The following PACS2 variants were observed in gnomAD, a reference collection of about 807,000 sequenced individuals.
PACS2 encodes the protein phosphofurin acidic cluster sorting protein 2.
PACS2 carries 36 observed loss-of-function variants against 113.0 expected under a neutral mutation model. That is an observed-to-expected ratio of 0.32 (90% CI 0.24 to 0.42). The LOEUF is 0.42. Among genes scored for constraint, PACS2 ranks in the 10% least tolerant of loss-of-function variants. The pLI, the probability that PACS2 is intolerant of heterozygous loss-of-function variation, is 1.00. For synonymous variants in PACS2, 589 were observed against 536.1 expected, an observed-to-expected ratio of 1.10 and a Z score of -1.36; for missense variants, 1,015 against 1,239.5, an observed-to-expected ratio of 0.82 and a Z score of 2.72.
In PACS2 at chr14:105,309,066, T is replaced by C. The variant is rs1015110402; in HGVS notation, c.-83+8087T>C. Among the ~76,000 whole-genome samples, 1 of 152,214 alleles carries C rather than the reference T, an allele frequency of 6.6e-6. No homozygotes were observed. Among genetic ancestry groups the C allele is most frequent in the Non-Finnish European group, 1.5e-5 (1 of 68,030 alleles). On this transcript the variant is annotated intron_variant, in intron 1 of 23. Transcript: ENST00000430725. The surrounding 1 kb of genome is among the most constrained non-coding windows in gnomAD (Gnocchi z 4.0). ...AAGAGCACTGAGGTTGAGTGTTGGTTGACACGTGTTGCGGTAATTGCTGTT... is the reference window on the plus strand; with the variant it reads ...AAGAGCACTGAGGTTGAGTGTTGGTCGACACGTGTTGCGGTAATTGCTGTT...
chr14:105,342,646 C>T (rs879946409), intron 1 of PACS2, among the ~76,000 whole-genome samples: 2 of 151,818 alleles, frequency 1.3e-5, no homozygotes, highest in African/African-American at 4.8e-5. Context: ...CAAGTATCGT[C>T]TGGTAGGCCA....
rs1160580490 is a variant in PACS2, at chr14:105,314,863, G to A, written c.-56G>A. Reference sequence around the variant, plus strand: ...TCCGCGCGCCCGGCCCGCCCGCCGCGCGTCCGCGGCCCGGCCGCAGCCCCA... The same window carrying A: ...TCCGCGCGCCCGGCCCGCCCGCCGCACGTCCGCGGCCCGGCCGCAGCCCCA... On this transcript the variant is annotated 5_prime_UTR_variant, in exon 1 of 25. Coordinates refer to ENST00000447393, the MANE Select transcript of PACS2 (RefSeq NM_001100913.3). 2.7e-5 allele frequency: 22 copies of A among 827,986 alleles called. No individual in the cohort carries two copies. In the East Asian group the frequency reaches 2.4e-3, roughly 90 times the overall value. The allele number at this position is 827,986 out of a possible 1,614,324, so 51.3% of individuals were successfully genotyped here.
rs1427676968 is a variant in PACS2 at position 105,340,310 on chromosome 14, AACAC to A, written c.120-8177_120-8174del. Among the ~76,000 whole-genome samples, 2 of 152,238 alleles carry A rather than the reference AACAC, an allele frequency of 1.3e-5. No homozygotes were observed. Among genetic ancestry groups the A allele is most frequent in the Non-Finnish European group, 2.9e-5 (2 of 68,050 alleles). On this transcript the variant is annotated intron_variant, in intron 1 of 24. Coordinates refer to ENST00000447393, the MANE Select transcript of PACS2 (RefSeq NM_001100913.3). The surrounding 1 kb of genome is among the most constrained non-coding windows in gnomAD (Gnocchi z 4.2). ...CATGTAGGAAATAAAATGCAATCAC[AACAC>A]ACACAACTCCAAATGGATGGATAAT...
chr14:105,391,030 C>G, intron 20 of PACS2, 177 bp from the exon 21 acceptor site: 1 of 627,914 alleles, frequency 1.6e-6, no homozygotes, highest in East Asian at 2.7e-5. Flanking sequence ...CATGGCTGCT[C>G]TGAGCTCAGC....
At chr14:105,364,627 C>T (rs2060880421) in intron 4 of PACS2, among the ~76,000 whole-genome samples, 1 of 150,984 alleles carries the variant, frequency 6.6e-6, no homozygotes, top group Non-Finnish European at 1.5e-5. Context: ...TGGTGCATGA[C>T]TGTTTTTGTA....
upstream of PACS2, among the ~76,000 whole-genome samples, chr14:105,309,768 ATG>A (rs2058293363): frequency 7.6e-6 from 1 of 131,118 alleles, no homozygotes; most frequent in African/African-American, 2.8e-5. The surrounding 1 kb of genome is among the most constrained non-coding windows in gnomAD (Gnocchi z 4.0). Flanking sequence ...GAAGGTGGTG[ATG>A]TGTGTCTTTT....
rs782483501 is a variant in PACS2, at chr14:105,355,012, C to T, written c.298-40C>T. The T allele has an allele frequency of 1.9e-6, 3 of 1,603,596 alleles. No homozygotes were observed. Among genetic ancestry groups the T allele is most frequent in the Non-Finnish European group, 2.6e-6 (3 of 1,175,390 alleles). ...AGAGGCCGTGATGCTGCCTGGGGCC[C>T]CGGTGCACCCTCAGCTGCCACTCGC... On this transcript the variant is annotated intron_variant, in intron 3 of 24. Coordinates refer to ENST00000447393, the MANE Select transcript of PACS2 (RefSeq NM_001100913.3). This position sits in a 1 kb window ranked among gnomAD's most constrained non-coding sequence, Gnocchi z 4.1.
At position 105,395,781 on chromosome 14, in the gene PACS2, T is replaced by C. The variant is rs587752322; in HGVS notation, c.*1109T>C. On this transcript the variant is annotated 3_prime_UTR_variant, in exon 25 of 25. Transcript: ENST00000447393. ...AGCGTGTTGGGTCCCATGTTGTGTGTGGGTTCCATGCCCTCCACACAGCAG... is the reference window on the plus strand; with the variant it reads ...AGCGTGTTGGGTCCCATGTTGTGTGCGGGTTCCATGCCCTCCACACAGCAG... 3.3e-5 allele frequency: 5 copies of C among 152,344 alleles called. No individual in the cohort carries two copies. The highest frequency in any genetic ancestry group is 2.6e-4 in the Admixed American group (4 of 15,290). 9.4% of individuals were successfully genotyped at this position (152,344 alleles called of 1,614,324 possible). A position where few individuals can be genotyped will look rare whatever the true frequency, so the allele number is the denominator to read the frequency against.
At chr14:105,310,682 CGCCCG>C (rs1437275155), upstream of PACS2, among the ~76,000 whole-genome samples, 2 of 152,028 alleles carry the variant, frequency 1.3e-5, no homozygotes, top group African/African-American at 4.8e-5. Context: ...AGCCAGATGG[CGCCCG>C]GCTCTCCAGC....
At position 105,377,366 on chromosome 14, in the gene PACS2, G is replaced by A. The variant is rs1478993629; in HGVS notation, c.959+441G>A. Among the ~76,000 whole-genome samples the A allele has an allele frequency of 2.6e-5, 4 of 152,118 alleles. No individual in the cohort carries two copies. The East Asian group carries it at 7.7e-4, about 29-fold the overall frequency. The stretch of plus-strand genomic sequence containing the variant: ...GCAGGTGGGGAGGGGGAGGGCAGGT[G>A]TCTCTGTGGCTGGATGGGAGGAGGG... On this transcript the variant is annotated intron_variant, in intron 9 of 24. Transcript: ENST00000447393.
In PACS2 at chr14:105,348,350, G is replaced by T. The variant is rs923782689; in HGVS notation, c.120-143G>T. The T allele has an allele frequency of 4.9e-6, 3 of 607,734 alleles. No individual in the cohort carries two copies. In the African/African-American group the frequency reaches 5.5e-5, roughly 11 times the overall value. 37.6% of individuals were successfully genotyped at this position (607,734 alleles called of 1,614,324 possible). ...GGGGTGATGTCTTGGAGCCCTGTGA[G>T]GTCCTGGGGCCGCCCAGGCAGTCAC... On this transcript the variant is annotated intron_variant, in intron 1 of 24. Coordinates refer to ENST00000447393, the MANE Select transcript of PACS2 (RefSeq NM_001100913.3). This position sits in a 1 kb window ranked among gnomAD's most constrained non-coding sequence, Gnocchi z 6.4.
At chr14:105,383,599 G>A (rs891819773) in intron 16 of PACS2, 86 bp downstream of exon 16, 115 of 1,355,776 alleles carry the variant, frequency 8.5e-5, no homozygotes, top group African/African-American at 2.0e-4. Flanking sequence ...GTGGCGTGGC[G>A]TGTTGTGTGG....
chr14:105,342,547 G>A (rs1555401815), intron 1 of PACS2, among the ~76,000 whole-genome samples: 3 of 151,996 alleles, frequency 2.0e-5, no homozygotes, highest in African/African-American at 7.2e-5. Flanking sequence ...GGGATTACAG[G>A]CATGATTGTG....
rs1001665854 is a variant in PACS2 at position 105,317,649 on chromosome 14, G to A, written c.119+2612G>A. 5.9e-5 allele frequency among the ~76,000 whole-genome samples: 9 copies of A among 151,856 alleles called. No homozygotes were observed. Among genetic ancestry groups the A allele is most frequent in the Admixed American group, 3.3e-4 (5 of 15,234 alleles). ...TCTCTTTTTTTCTGCTTGAGTTTCA[G>A]CAGTTTCTTTAGAGATAGTCATCCT... On this transcript the variant is annotated intron_variant, in intron 1 of 24. Coordinates refer to ENST00000447393, the MANE Select transcript of PACS2 (RefSeq NM_001100913.3). The surrounding 1 kb of genome is among the most constrained non-coding windows in gnomAD (Gnocchi z 4.2).
chr14:105,378,320 G>A (rs587623991), intron 9 of PACS2, among the ~76,000 whole-genome samples: 2 of 152,368 alleles, frequency 1.3e-5, no homozygotes, highest in South Asian at 4.1e-4. Flanking sequence ...TCTTGAATGG[G>A]CACACACAGC....
intron 19 of PACS2, among the ~76,000 whole-genome samples, chr14:105,387,343 G>A (rs1555413807): frequency 6.6e-6 from 1 of 152,238 alleles, no homozygotes; most frequent in Non-Finnish European, 1.5e-5. Flanking sequence ...TATGAGGGCA[G>A]GCCAGGCCTG....
At chr14:105,337,385 C>T (rs1186246019) in intron 1 of PACS2, among the ~76,000 whole-genome samples, 3 of 152,234 alleles carry the variant, frequency 2.0e-5, no homozygotes, top group Non-Finnish European at 4.4e-5. Context: ...ACAGCATCCA[C>T]GCACGTAGTG....
At chr14:105,332,687 C>T (rs957922449) in intron 1 of PACS2, among the ~76,000 whole-genome samples, 28 of 152,150 alleles carry the variant, frequency 1.8e-4, no homozygotes, top group African/African-American at 6.3e-4. Context: ...CTGGTCCTCT[C>T]GTGGGCGGTC....
chr14:105,341,894 AGT>A (rs2059740245), intron 1 of PACS2, among the ~76,000 whole-genome samples: 1 of 152,108 alleles, frequency 6.6e-6, no homozygotes, highest in African/African-American at 2.4e-5. Context: ...TTTCCTTCTA[AGT>A]GTGCGGAGAG....
Sources: allele counts gnomAD v4.1 joint callset (sites outside exome capture counted in the v4.1 genomes callset), GRCh38; gene constraint gnomAD v4.1.1; non-coding constraint Gnocchi (gnomAD v3.1); transcripts MANE v1.5; gene names NCBI Gene and HGNC (gene_info 2026-07-23, HGNC 2026-07-21).